The following NTSR1 variants were observed in gnomAD, a reference collection of about 807,000 sequenced individuals.
The protein encoded by NTSR1 is neurotensin receptor 1.
A neutral mutation model predicts 31.2 loss-of-function variants in NTSR1; 29 were observed. The ratio of observed to expected loss-of-function variants is 0.93; its 90% confidence interval spans 0.69 to 1.27. The LOEUF is 1.27. NTSR1 is among the 50% of genes most tolerant of loss of function. The pLI is 0.00. For missense variants in NTSR1, 697 were observed against 595.4 expected (o/e 1.17, Z -1.78); for synonymous variants, 282 against 269.9 (o/e 1.04, Z -0.44).
chr20:62,739,575 G>A (rs540549351), intron 1 of NTSR1, among the ~76,000 whole-genome samples: 12 of 152,358 alleles, frequency 7.9e-5, no homozygotes, highest in African/African-American at 1.9e-4. Context: ...TCACCCCTAC[G>A]GCCTCTTCCG....
At chr20:62,718,511 G>A (rs1232858765) in intron 1 of NTSR1, among the ~76,000 whole-genome samples, 2 of 152,074 alleles carry the variant, frequency 1.3e-5, no homozygotes, top group Admixed American at 6.5e-5. Context: ...AAGACACACC[G>A]GCCCCCGCCC....
chr20:62,746,332 A>G (rs940440394), intron 1 of NTSR1, among the ~76,000 whole-genome samples: 1 of 152,002 alleles, frequency 6.6e-6, no homozygotes, highest in Admixed American at 6.6e-5. Context: ...CCTTCCCGGA[A>G]CCCCCAGCAC....
At position 62,731,019 on chromosome 20, in the gene NTSR1, A is replaced by T. The variant is rs748322470; in HGVS notation, c.714+21098A>T. ...TTGCAAATATTTTTTCCTAGGCTGT[A>T]TCTTGTCTTCTCATTCGTTTAACAG... On this transcript the variant is annotated intron_variant, in intron 1 of 3. Coordinates refer to ENST00000370501, the MANE Select transcript of NTSR1 (RefSeq NM_002531.3). Among the ~76,000 whole-genome samples, 11 of 152,172 alleles carry T rather than the reference A, an allele frequency of 7.2e-5. No homozygotes were observed. The East Asian group carries it at 1.9e-3, about 27-fold the overall frequency.
intron 1 of NTSR1, among the ~76,000 whole-genome samples, chr20:62,728,425 A>G (rs1988946738): frequency 6.6e-6 from 1 of 152,168 alleles, no homozygotes; most frequent in Admixed American, 6.5e-5. Flanking sequence ...ATGAACAGAC[A>G]GACGTCCCCG....
intron 1 of NTSR1, among the ~76,000 whole-genome samples, chr20:62,746,206 C>T (rs906637986): frequency 6.6e-6 from 1 of 152,194 alleles, no homozygotes; most frequent in Non-Finnish European, 1.5e-5. Flanking sequence ...TCAGTTCTCA[C>T]CCCCTGAGTT....
intron 3 of NTSR1, 24 bp from the exon 4 acceptor site, chr20:62,759,994 C>T: frequency 3.1e-6 from 5 of 1,609,928 alleles, no homozygotes; most frequent in Non-Finnish European, 2.5e-6. Flanking sequence ...TCTCTGGGAT[C>T]TGAGCGCCTC....
rs756541025 is a variant in NTSR1, at chr20:62,709,741, C to A, written c.534C>A (p.Thr178=). ...TCTGCCACCCCTTCAAGGCCAAGAC[C>A]CTCATGTCCCGAAGCCGCACCAAGA... ...LAICHPFKAK[T]LMSRSRTKKF... Residue 178 remains threonine (T), a synonymous_variant, in exon 1 of 4, where the codon ACC becomes ACA. Coordinates refer to ENST00000370501, the MANE Select transcript of NTSR1 (RefSeq NM_002531.3). 2 of 1,613,042 alleles carry A rather than the reference C, an allele frequency of 1.2e-6. No homozygotes were observed. The highest frequency in any genetic ancestry group is 2.2e-5 in the South Asian group (2 of 91,082).
At chr20:62,747,265 C>A (rs1419591011) in intron 1 of NTSR1, among the ~76,000 whole-genome samples, 3 of 152,188 alleles carry the variant, frequency 2.0e-5, no homozygotes, top group African/African-American at 7.2e-5. Flanking sequence ...GTATGACAGA[C>A]CCACAGCTAA....
chr20:62,756,742 C>T (rs1989520661), intron 2 of NTSR1: 1 of 152,270 alleles, frequency 6.6e-6, no homozygotes, highest in African/African-American at 2.4e-5. Flanking sequence ...CAAGGTGTGT[C>T]CTGGTCCCAG....
chr20:62,721,491 C>T (rs778038503), intron 1 of NTSR1, among the ~76,000 whole-genome samples: 7 of 152,202 alleles, frequency 4.6e-5, no homozygotes, highest in Non-Finnish European at 7.3e-5. Flanking sequence ...TCAGAGCTGC[C>T]GCTTTTGTCT....
intron 1 of NTSR1, among the ~76,000 whole-genome samples, chr20:62,747,434 C>T (rs944927758): frequency 7.2e-6 from 1 of 139,098 alleles, no homozygotes; most frequent in Non-Finnish European, 1.5e-5. Flanking sequence ...GTAAAGGCCA[C>T]GTATGATGAC....
chr20:62,709,373 G>T lies in NTSR1; in HGVS notation c.166G>T (p.Val56Leu), dbSNP rs761144124. ...GGCGGCACCCAGCAGCGAGCTGGACGTGAACACCGACATCTACTCCAAGGT... is the reference window on the plus strand; with the variant it reads ...GGCGGCACCCAGCAGCGAGCTGGACTTGAACACCGACATCTACTCCAAGGT... ...VLAAPSSELD[V>L]NTDIYSKVLV... The change falls in exon 1 of 4, where the codon GTG becomes TTG. Residue 56 changes from valine (V) to leucine (L), a missense_variant. Transcript: ENST00000370501. 3.1e-6 allele frequency: 5 copies of T among 1,609,536 alleles called. No homozygotes were observed. In the South Asian group the frequency reaches 5.5e-5, roughly 18 times the overall value.
intron 2 of NTSR1, among the ~76,000 whole-genome samples, chr20:62,757,050 G>A (rs1989525070): frequency 6.6e-6 from 1 of 152,130 alleles, no homozygotes; most frequent in African/African-American, 2.4e-5. Flanking sequence ...TCTCCTGATG[G>A]CATCCTTTGA....
chr20:62,741,921 G>T lies in NTSR1; in HGVS notation c.715-12764G>T, dbSNP rs1247791246. Among the ~76,000 whole-genome samples the T allele has an allele frequency of 6.9e-6, 1 of 145,722 alleles. No homozygotes were observed. On this transcript the variant is annotated intron_variant, in intron 1 of 3. Transcript: ENST00000370501. This position sits in a 1 kb window ranked among gnomAD's most constrained non-coding sequence, Gnocchi z 4.3. ...GCCCCTGGGTTCACAACTGTGCCTG[G>T]GTTTCTTTATCTACAAAAGGAGCCT...
chr20:62,760,165 G>A lies in NTSR1; in HGVS notation c.1155G>A (p.Val385=). Residue 385 remains valine, a synonymous_variant, in exon 4 of 4, where the codon GTG becomes GTA. Coordinates refer to ENST00000370501, the MANE Select transcript of NTSR1 (RefSeq NM_002531.3). ...FLATLACLCP[V]WRRRRKRPAF... ...CCACACTGGCCTGCCTCTGCCCGGTGTGGCGGCGCAGGAGGAAGAGGCCAG... is the reference window on the plus strand; with the variant it reads ...CCACACTGGCCTGCCTCTGCCCGGTATGGCGGCGCAGGAGGAAGAGGCCAG... The A allele has an allele frequency of 1.2e-6, 2 of 1,614,134 alleles. No homozygotes were observed. Among genetic ancestry groups the A allele is most frequent in the South Asian group, 1.1e-5 (1 of 91,090 alleles).
At position 62,709,704 on chromosome 20, in the gene NTSR1, G is replaced by C. The variant is rs1157810491; in HGVS notation, c.497G>C (p.Arg166Pro). 4 of 1,612,678 alleles carry C rather than the reference G, an allele frequency of 2.5e-6. 1 individual carries two copies. Among genetic ancestry groups the C allele is most frequent in the East Asian group, 4.5e-5 (2 of 44,856 alleles). The change falls in exon 1 of 4, where the codon CGC becomes CCC. Residue 166 changes from arginine to proline, a missense_variant. Arg to Pro is a moderately radical substitution (Grantham distance 103, BLOSUM62 -2). Coordinates refer to ENST00000370501, the MANE Select transcript of NTSR1 (RefSeq NM_002531.3). ...ALNVASLSVE[R>P]YLAICHPFKA... ...AACGTGGCCAGCCTGAGTGTGGAGC[G>C]CTACCTGGCCATCTGCCACCCCTTC... is the stretch of plus-strand genomic sequence containing the variant.
intron 1 of NTSR1, among the ~76,000 whole-genome samples, chr20:62,737,526 G>A (rs113627476): frequency 1.3e-5 from 2 of 152,120 alleles, no homozygotes; most frequent in Non-Finnish European, 2.9e-5. Flanking sequence ...GGGAGGGGCC[G>A]AGCATGGGAT....
At chr20:62,737,903 C>A (rs1348175544) in intron 1 of NTSR1, among the ~76,000 whole-genome samples, 1 of 148,486 alleles carries the variant, frequency 6.7e-6, no homozygotes, top group East Asian at 2.1e-4. Context: ...ACTCTTACCT[C>A]CTTCCTCCTG....
At chr20:62,740,170 A>G (rs1835216869) in intron 1 of NTSR1, among the ~76,000 whole-genome samples, 1 of 152,332 alleles carries the variant, frequency 6.6e-6, no homozygotes, top group African/African-American at 2.4e-5. Flanking sequence ...GCTCTGTGCT[A>G]AGTGTGTTAG....
Sources: gnomAD v4.1 joint callset for allele counts (sites outside exome capture counted in the v4.1 genomes callset) on GRCh38, gnomAD v4.1.1 for gene constraint, Gnocchi (gnomAD v3.1) non-coding constraint, MANE v1.5 for transcripts, NCBI Gene and HGNC (gene_info 2026-07-23, HGNC 2026-07-21) for gene names.